Variants in L3MBTL4 observed in about 807,000 individuals in gnomAD.
L3MBTL4 encodes L3MBTL histone methyl-lysine binding protein 4.
Under a neutral mutation model 84.5 loss-of-function variants are expected in L3MBTL4, and 70 were observed. The observed-to-expected ratio is 0.83, with a 90% confidence interval of 0.68 to 1.01. L3MBTL4 has a LOEUF of 1.01. Among genes scored for constraint, L3MBTL4 ranks in the 50% least tolerant of loss-of-function variants. The pLI is 0.00. For missense variants in L3MBTL4, 715 were observed against 754.8 expected (o/e 0.95, Z 0.62); for synonymous variants, 274 against 259.8 (o/e 1.05, Z -0.52).
At chr18:6,021,992 C>G (rs940099127) in intron 16 of L3MBTL4, among the ~76,000 whole-genome samples, 2 of 152,210 alleles carry the variant, frequency 1.3e-5, no homozygotes, top group African/African-American at 4.8e-5. Context: ...CTGCCACTCT[C>G]TCTATTAATC....
intron 18 of L3MBTL4, among the ~76,000 whole-genome samples, chr18:5,958,005 A>G (rs1203224663): frequency 8.7e-6 from 1 of 115,038 alleles, no homozygotes; most frequent in African/African-American, 3.1e-5. Flanking sequence ...AAGGAAGGAG[A>G]AGGAGGAGGA....
chr18:6,092,995 C>T (rs563232020), intron 15 of L3MBTL4, among the ~76,000 whole-genome samples: 1 of 152,232 alleles, frequency 6.6e-6, no homozygotes, highest in Non-Finnish European at 1.5e-5. Flanking sequence ...GATACAGATA[C>T]TTGTCCATGT....
intron 12 of L3MBTL4, among the ~76,000 whole-genome samples, chr18:6,177,945 A>G (rs747220311): frequency 2.6e-5 from 4 of 152,142 alleles, no homozygotes; most frequent in Non-Finnish European, 4.4e-5. Context: ...CAATTTTTTT[A>G]TGTTTCAAAA....
intron 14 of L3MBTL4, among the ~76,000 whole-genome samples, chr18:6,113,392 T>C (rs1057467846): frequency 2.8e-5 from 4 of 144,996 alleles, no homozygotes; most frequent in African/African-American, 1.0e-4. Context: ...AGTTTGAAAA[T>C]GCTACATTAT....
At chr18:6,249,247 G>T (rs1034501389) in intron 5 of L3MBTL4, among the ~76,000 whole-genome samples, 1 of 152,142 alleles carries the variant, frequency 6.6e-6, no homozygotes, top group Non-Finnish European at 1.5e-5. Context: ...ACCACAGGGA[G>T]AGAATGTTAC....
At chr18:5,987,447 A>C (rs1387230159) in intron 16 of L3MBTL4, among the ~76,000 whole-genome samples, 1 of 152,240 alleles carries the variant, frequency 6.6e-6, no homozygotes, top group East Asian at 1.9e-4. Flanking sequence ...ACCCGTGGCC[A>C]CGTGTGGATG....
chr18:6,374,009 TA>T (rs2054265580), intron 1 of L3MBTL4, among the ~76,000 whole-genome samples: 1 of 152,230 alleles, frequency 6.6e-6, no homozygotes, highest in African/African-American at 2.4e-5. Flanking sequence ...TTCATTGTTG[TA>T]ATTTTTCATC....
Position 6,373,502 on chromosome 18 carries a change from A to C in L3MBTL4, c.-91+41299T>G, listed in dbSNP as rs9958359. On this transcript the variant is annotated intron_variant, in intron 1 of 18. Coordinates refer to ENST00000317931, the MANE Select transcript of L3MBTL4 (RefSeq NM_001330559.2). The stretch of plus-strand genomic sequence containing the variant: ...ATGCCTAGTTCTTCACCAAACCCCT[A>C]TTCCTATCTGCCCTGCACACACCCC... Among the ~76,000 whole-genome samples, 955 of 152,194 alleles carry C rather than the reference A, an allele frequency of 6.3e-3. 9 individuals are homozygous for C. The highest frequency in any genetic ancestry group is 0.022 in the African/African-American group (910 of 41,512).
At chr18:6,198,116 A>G in intron 12 of L3MBTL4, among the ~76,000 whole-genome samples, 1 of 152,190 alleles carries the variant, frequency 6.6e-6, no homozygotes, top group African/African-American at 2.4e-5. Context: ...TGGGTATTTT[A>G]CTGCTGATGA....
At chr18:6,036,344 C>T (rs1332804047) in intron 16 of L3MBTL4, among the ~76,000 whole-genome samples, 2 of 152,218 alleles carry the variant, frequency 1.3e-5, no homozygotes, top group Middle Eastern at 3.4e-3. Flanking sequence ...TTCTACTATC[C>T]TAACTTCAAG....
chr18:6,074,959 T>G (rs958508459), intron 16 of L3MBTL4, among the ~76,000 whole-genome samples: 2 of 151,898 alleles, frequency 1.3e-5, no homozygotes, highest in Non-Finnish European at 2.9e-5. Flanking sequence ...GGAACATATA[T>G]AAAAAGAAAA....
intron 14 of L3MBTL4, among the ~76,000 whole-genome samples, chr18:6,135,624 T>C (rs629231): frequency 6.7e-6 from 1 of 150,282 alleles, no homozygotes; most frequent in Non-Finnish European, 1.5e-5. Flanking sequence ...TGCTAAAACA[T>C]AACAAGAGTC....
chr18:6,245,755 T>C (rs1242291256), intron 5 of L3MBTL4, among the ~76,000 whole-genome samples: 3 of 151,970 alleles, frequency 2.0e-5, no homozygotes, highest in Non-Finnish European at 2.9e-5. Flanking sequence ...ACGGCCTGGC[T>C]AATTTTTGTA....
intron 13 of L3MBTL4, among the ~76,000 whole-genome samples, chr18:6,161,993 C>A (rs9950264): frequency 2.0e-5 from 3 of 150,758 alleles, no homozygotes; most frequent in African/African-American, 7.3e-5. Context: ...TGTGTATGTA[C>A]GCATTTTTCT....
At chr18:5,980,141 A>AGT (rs2053140888) in intron 16 of L3MBTL4, among the ~76,000 whole-genome samples, 1 of 151,770 alleles carries the variant, frequency 6.6e-6, no homozygotes, top group South Asian at 2.1e-4. Flanking sequence ...GCTGACAGAC[A>AGT]TAGAAAAGTC....
intron 4 of L3MBTL4, among the ~76,000 whole-genome samples, chr18:6,301,291 C>G (rs2050327166): frequency 6.6e-6 from 1 of 152,096 alleles, no homozygotes; most frequent in East Asian, 1.9e-4. Context: ...GTTGGACATT[C>G]TACTACATTT....
chr18:6,072,424 A>G (rs1413059925), intron 16 of L3MBTL4, among the ~76,000 whole-genome samples: 1 of 152,214 alleles, frequency 6.6e-6, no homozygotes, highest in African/African-American at 2.4e-5. Context: ...TAAAAGAAAA[A>G]CAATGTAAAT....
intron 16 of L3MBTL4, chr18:6,030,270 G>C (rs1247826522): frequency 2.0e-6 from 2 of 983,920 alleles, no homozygotes; most frequent in Non-Finnish European, 2.4e-6. Flanking sequence ...CCTTATACCT[G>C]TTGAATTTTG....
At chr18:6,079,476 T>C (rs2057994013) in intron 16 of L3MBTL4, among the ~76,000 whole-genome samples, 2 of 152,236 alleles carry the variant, frequency 1.3e-5, no homozygotes, top group African/African-American at 2.4e-5. Context: ...AAACTCCTTA[T>C]ACATGATGCA....
Sources: allele counts gnomAD v4.1 joint callset (sites outside exome capture counted in the v4.1 genomes callset), GRCh38; gene constraint gnomAD v4.1.1; transcripts MANE v1.5; gene names NCBI Gene and HGNC (gene_info 2026-07-23, HGNC 2026-07-21).